The following DYSF variants were observed in gnomAD, a reference collection of about 807,000 sequenced individuals.
DYSF encodes dysferlin, also known as dystrophy-associated fer-1-like 1.
A neutral mutation model predicts 274.9 loss-of-function variants in DYSF; 212 were observed. The ratio of observed to expected loss-of-function variants is 0.77; its 90% CI spans 0.69 to 0.86. The LOEUF (loss-of-function observed/expected upper bound fraction) is 0.86. DYSF is among the 40% of genes least tolerant of loss of function. DYSF has a pLI of 0.00. For synonymous variants in DYSF, 1,091 were observed against 1,078.7 expected, an observed-to-expected ratio of 1.01 and a Z score of -0.22; for missense variants, 2,666 against 2,783.2, an observed-to-expected ratio of 0.96 and a Z score of 0.95.
intron 24 of DYSF, among the ~76,000 whole-genome samples, chr2:71,566,233 C>CG (rs1176125088): frequency 1.3e-5 from 1 of 75,360 alleles, no homozygotes; most frequent in African/African-American, 5.0e-5. Context: ...GGGGGCGGGG[C>CG]GGGGGGTGCT....
chr2:71,457,530 C>T (rs2081117393), intron 1 of DYSF, among the ~76,000 whole-genome samples: 1 of 152,188 alleles, frequency 6.6e-6, no homozygotes, highest in Non-Finnish European at 1.5e-5. Flanking sequence ...GGCTGAGACC[C>T]TGATGCCCCC....
intron 45 of DYSF, among the ~76,000 whole-genome samples, chr2:71,661,555 T>C (rs1264754163): frequency 6.6e-6 from 1 of 152,184 alleles, no homozygotes; most frequent in Non-Finnish European, 1.5e-5. Flanking sequence ...AGACCCAAGA[T>C]AGTAAAATGA....
At position 71,479,449 on chromosome 2, in the gene DYSF, C is replaced by A. The variant is rs7556682; in HGVS notation, c.92-1434C>A. On this transcript the variant is annotated intron_variant, in intron 1 of 55. Coordinates refer to ENST00000410020, the MANE Select transcript of DYSF (RefSeq NM_001130987.2). ...AAGCAGAGAGGGCCAAAGCTCTGTC[C>A]AAACTCCTTGTTTTGTGGATCATCC... is the stretch of plus-strand genomic sequence containing the variant. Among the ~76,000 whole-genome samples the A allele has an allele frequency of 1.0e-3, 157 of 152,166 alleles. 1 individual carries two copies. Among genetic ancestry groups the A allele is most frequent in the African/African-American group, 3.6e-3 (151 of 41,554 alleles).
chr2:71,618,604 GGT>G (rs1553387345), intron 40 of DYSF, among the ~76,000 whole-genome samples: 1 of 26,422 alleles, frequency 3.8e-5, no homozygotes, highest in Non-Finnish European at 9.1e-5. Context: ...TGGTAGAGGT[GGT>G]GGGTGTGGTA....
chr2:71,651,645 A>G (rs2094663534), intron 42 of DYSF, among the ~76,000 whole-genome samples: 2 of 152,198 alleles, frequency 1.3e-5, no homozygotes, highest in Non-Finnish European at 2.9e-5. Context: ...ATTAAAATGT[A>G]GAAAACCTCG....
At chr2:71,478,199 G>A (rs1305977103) in intron 1 of DYSF, among the ~76,000 whole-genome samples, 1 of 151,200 alleles carries the variant, frequency 6.6e-6, no homozygotes, top group Non-Finnish European at 1.5e-5. Flanking sequence ...AAAGCTCTTT[G>A]GCATCCTCAA....
intron 30 of DYSF, among the ~76,000 whole-genome samples, chr2:71,575,554 G>A (rs1277844983): frequency 6.6e-6 from 1 of 152,146 alleles, no homozygotes; most frequent in African/African-American, 2.4e-5. Context: ...CTTCTGGGGT[G>A]GGGCTGGTGT....
At chr2:71,538,126 C>CTTGG (rs1216810693) in intron 16 of DYSF, among the ~76,000 whole-genome samples, 1 of 152,226 alleles carries the variant, frequency 6.6e-6, no homozygotes, top group Non-Finnish European at 1.5e-5. Flanking sequence ...CCTTCTCAAC[C>CTTGG]TTGGCTTTCT....
intron 30 of DYSF, among the ~76,000 whole-genome samples, chr2:71,583,002 C>A (rs1188081161): frequency 5.8e-5 from 8 of 137,246 alleles, no homozygotes; most frequent in African/African-American, 2.2e-4. Context: ...TGTGATTGCG[C>A]CACTGCACTC....
At chr2:71,526,394 C>A (rs201698209) in intron 13 of DYSF, 48 bp downstream of exon 13, 1 of 1,295,482 alleles carries the variant, frequency 7.7e-7, no homozygotes, top group East Asian at 4.6e-5. Context: ...AGGCTGGAGG[C>A]GCAGGGCTGG....
In DYSF at chr2:71,509,018, A is replaced by AT. The variant is rs542474589; in HGVS notation, c.346-2781dup. On this transcript the variant is annotated intron_variant, in intron 4 of 55. Coordinates refer to ENST00000410020, the MANE Select transcript of DYSF (RefSeq NM_001130987.2). ...CAGGGGCATGCCACCACACCTGGCT[A>AT]TTTTTTTTGTATTTTTATAGAGATG... Among the ~76,000 whole-genome samples the AT allele has an allele frequency of 8.6e-5, 13 of 151,090 alleles. No individual in the cohort carries two copies. The South Asian group carries it at 1.1e-3, about 12-fold the overall frequency.
intron 24 of DYSF, among the ~76,000 whole-genome samples, chr2:71,566,376 A>C: frequency 6.6e-6 from 1 of 151,402 alleles, no homozygotes; most frequent in Non-Finnish European, 1.5e-5. Flanking sequence ...AAAAAAAAAA[A>C]AGATATAGAA....
chr2:71,617,610 G>A (rs1441459771), intron 40 of DYSF, among the ~76,000 whole-genome samples: 2 of 150,636 alleles, frequency 1.3e-5, no homozygotes, highest in Admixed American at 6.6e-5. Context: ...TGGTGTGTGT[G>A]TATGTGGGGT....
intron 14 of DYSF, among the ~76,000 whole-genome samples, chr2:71,532,830 T>TTGTATCTA (rs2088888663): frequency 6.8e-6 from 1 of 147,438 alleles, no homozygotes. Context: ...AGTACATTTA[T>TTGTATCTA]TCTATCTATC....
At chr2:71,675,656 T>C (rs1410905122) in intron 52 of DYSF, among the ~76,000 whole-genome samples, 2 of 152,204 alleles carry the variant, frequency 1.3e-5, no homozygotes, top group Admixed American at 6.5e-5. Flanking sequence ...ATTATTTTAC[T>C]TATTATTTTG....
At chr2:71,468,890 G>A (rs2081747780) in intron 1 of DYSF, among the ~76,000 whole-genome samples, 3 of 152,196 alleles carry the variant, frequency 2.0e-5, no homozygotes, top group Admixed American at 2.0e-4. Flanking sequence ...AGCACAAGTA[G>A]GTGCTCTCTA....
rs1461868534 is a variant in DYSF at position 71,564,089 on chromosome 2, G to A, written c.2441G>A (p.Trp814Ter). ...AACAGCCTGCCGGACATCGTCATCT[G>A]GATGCTGCAGGGAGACAAGCGTGTG... ...PQNSLPDIVI[W>*]MLQGDKRVAY... Residue 814 changes from tryptophan to a stop codon, truncating the protein, a stop_gained, in exon 24 of 56, where the codon TGG (tryptophan) becomes TAG (stop). Transcript: ENST00000410020. LOFTEE classifies it high-confidence loss of function. 6.2e-7 allele frequency: 1 copy of A among 1,614,114 alleles called. No individual in the cohort carries two copies. The highest frequency in any genetic ancestry group is 1.3e-5 in the African/African-American group (1 of 74,944).
intron 40 of DYSF, among the ~76,000 whole-genome samples, chr2:71,618,891 C>CCA (rs1366490388): frequency 6.6e-6 from 1 of 151,346 alleles, no homozygotes; most frequent in East Asian, 1.9e-4. Context: ...TGGGGCTGGC[C>CCA]GGCTCTGGGA....
intron 14 of DYSF, among the ~76,000 whole-genome samples, chr2:71,531,079 C>T (rs757502630): frequency 2.0e-5 from 3 of 149,284 alleles, no homozygotes; most frequent in African/African-American, 4.9e-5. Context: ...TTTAAAACAA[C>T]TTTTTTTTTT....
Sources: allele counts gnomAD v4.1 joint callset (sites outside exome capture counted in the v4.1 genomes callset), GRCh38; gene constraint gnomAD v4.1.1; transcripts MANE v1.5; gene names NCBI Gene and HGNC (gene_info 2026-07-23, HGNC 2026-07-21).